ASIC2: variants seen among roughly 807,000 people sequenced by gnomAD.
ASIC2 encodes acid-sensing ion channel 2.
ASIC2 carries 25 observed loss-of-function variants against 57.3 expected under a neutral mutation model. The observed-to-expected ratio is 0.44, with a 90% CI of 0.32 to 0.61. The LOEUF (loss-of-function observed/expected upper bound fraction) is 0.61. Ranked by LOEUF, ASIC2 falls within the 20% of genes least tolerant of loss-of-function variation. The probability of loss-of-function intolerance (pLI) is 0.06; values close to 1 mark genes in which losing one functional copy is unlikely to be tolerated. For synonymous variants in ASIC2, 319 were observed against 307.5 expected (o/e 1.04, Z -0.39); for missense variants, 641 against 738.1 (o/e 0.87, Z 1.52).
At chr17:34,098,505 A>AG (rs771579758) in intron 1 of ASIC2, among the ~76,000 whole-genome samples, 67 of 152,302 alleles carry the variant, frequency 4.4e-4, no homozygotes, top group Non-Finnish European at 8.2e-4. Flanking sequence ...CTGAAAAATG[A>AG]GGGCGAATGT....
intron 1 of ASIC2, among the ~76,000 whole-genome samples, chr17:33,903,228 C>G (rs1915268570): frequency 6.6e-6 from 1 of 152,216 alleles, no homozygotes; most frequent in African/African-American, 2.4e-5. Context: ...GTCTTTCTCT[C>G]TCATGGTGCA....
chr17:34,032,880 AC>A (rs1273645146), intron 1 of ASIC2, among the ~76,000 whole-genome samples: 1 of 152,210 alleles, frequency 6.6e-6, no homozygotes, highest in Admixed American at 6.5e-5. Context: ...TTAATGACCT[AC>A]AAAAAGACTT....
At chr17:34,138,184 T>G (rs902679571) in intron 1 of ASIC2, among the ~76,000 whole-genome samples, 1 of 152,138 alleles carries the variant, frequency 6.6e-6, no homozygotes, top group Non-Finnish European at 1.5e-5. Flanking sequence ...TGCCTTCATC[T>G]TTTGTACCTC....
intron 9 of ASIC2, among the ~76,000 whole-genome samples, chr17:33,015,227 G>A (rs1405779318): frequency 6.6e-6 from 1 of 152,226 alleles, no homozygotes; most frequent in Admixed American, 6.5e-5. Flanking sequence ...AGGGCTGGAG[G>A]TGCTGATTTG....
chr17:33,217,352 A>G (rs899658879), intron 1 of ASIC2, among the ~76,000 whole-genome samples: 4 of 152,212 alleles, frequency 2.6e-5, no homozygotes, highest in African/African-American at 4.8e-5. Context: ...AGGCAAAGAG[A>G]ATCGTGATAT....
chr17:33,726,603 C>G (rs1012418243), intron 1 of ASIC2, among the ~76,000 whole-genome samples: 4 of 152,154 alleles, frequency 2.6e-5, no homozygotes, highest in Admixed American at 2.0e-4. Flanking sequence ...ACTCTAGGCT[C>G]TCTGCCTTTC....
chr17:34,060,293 G>C (rs1358572413), intron 1 of ASIC2, among the ~76,000 whole-genome samples: 2 of 152,192 alleles, frequency 1.3e-5, no homozygotes, highest in East Asian at 3.9e-4. Context: ...TAGGAAAAGG[G>C]GAAGCGTACT....
chr17:33,585,116 T>C (rs1904577948), intron 1 of ASIC2, among the ~76,000 whole-genome samples: 2 of 152,114 alleles, frequency 1.3e-5, no homozygotes. Context: ...GCCAATCTAA[T>C]TTAGTTGGGG....
At chr17:34,066,871 A>G (rs1164027550) in intron 1 of ASIC2, among the ~76,000 whole-genome samples, 1 of 152,212 alleles carries the variant, frequency 6.6e-6, no homozygotes, top group African/African-American at 2.4e-5. Flanking sequence ...CCCAGGAAAC[A>G]ACACACAATG....
intron 1 of ASIC2, among the ~76,000 whole-genome samples, chr17:33,789,074 C>A (rs546855320): frequency 1.8e-4 from 28 of 152,156 alleles, no homozygotes; most frequent in African/African-American, 6.8e-4. Flanking sequence ...TCTCTGGCTG[C>A]TCTTGCAGTG....
At chr17:34,076,680 C>T (rs1319285476) in intron 1 of ASIC2, among the ~76,000 whole-genome samples, 1 of 152,194 alleles carries the variant, frequency 6.6e-6, no homozygotes, top group African/African-American at 2.4e-5. Flanking sequence ...TGTGCTTCCA[C>T]TGTCCTGAAA....
At chr17:33,989,878 A>C (rs1321639225) in intron 1 of ASIC2, among the ~76,000 whole-genome samples, 1 of 152,180 alleles carries the variant, frequency 6.6e-6, no homozygotes, top group African/African-American at 2.4e-5. Flanking sequence ...TTTTGCAGGA[A>C]ACTAAGCATG....
chr17:33,706,179 T>TGTGTATGA (rs71144898), intron 1 of ASIC2, among the ~76,000 whole-genome samples: 19,854 of 147,856 alleles, frequency 0.13, 1,365 homozygotes, highest in African/African-American at 0.17. Flanking sequence ...TGTGTGTGTG[T>TGTGTATGA]GTGTATGACT....
In ASIC2 at chr17:34,136,919, C is replaced by A. The variant is rs114191198; in HGVS notation, c.555+19059G>T. On this transcript the variant is annotated intron_variant, in intron 1 of 9. Transcript: ENST00000359872. Reference sequence around the variant, plus strand: ...AAGCCCACATTTTGCATACTCTGGACCCACCTGTCTTGTAACTTCATTGGC... The same window carrying A: ...AAGCCCACATTTTGCATACTCTGGAACCACCTGTCTTGTAACTTCATTGGC... 9.8e-3 allele frequency among the ~76,000 whole-genome samples: 1,498 copies of A among 152,298 alleles called. 29 individuals are homozygous for A. Among genetic ancestry groups the A allele is most frequent in the African/African-American group, 0.034 (1,417 of 41,546 alleles).
intron 1 of ASIC2, among the ~76,000 whole-genome samples, chr17:33,795,802 C>G (rs938851564): frequency 6.6e-6 from 1 of 152,216 alleles, no homozygotes; most frequent in Non-Finnish European, 1.5e-5. Context: ...TTCTTGATAT[C>G]AAAGACCTGC....
chr17:33,364,189 A>C (rs1324444670), intron 1 of ASIC2, among the ~76,000 whole-genome samples: 1 of 152,168 alleles, frequency 6.6e-6, no homozygotes, highest in Non-Finnish European at 1.5e-5. Context: ...CTAGGAAGAA[A>C]GGCTACTTAG....
chr17:33,923,100 G>A (rs150833074), intron 1 of ASIC2, among the ~76,000 whole-genome samples: 7 of 152,258 alleles, frequency 4.6e-5, no homozygotes, highest in Admixed American at 6.5e-5. Flanking sequence ...TGGAACCTGC[G>A]GGATTCCTGG....
chr17:33,895,211 G>A (rs989862023), intron 1 of ASIC2, among the ~76,000 whole-genome samples: 15 of 150,394 alleles, frequency 1.0e-4, no homozygotes, highest in Non-Finnish European at 2.2e-4. Flanking sequence ...TGCCCAGGCT[G>A]GGGTGCAGAG....
chr17:33,468,488 TC>T (rs1912933476), intron 1 of ASIC2, among the ~76,000 whole-genome samples: 1 of 152,228 alleles, frequency 6.6e-6, no homozygotes, highest in Admixed American at 6.5e-5. Flanking sequence ...ATTATATACT[TC>T]TAAAACACAA....
Sources: gnomAD v4.1 joint callset for allele counts (sites outside exome capture counted in the v4.1 genomes callset) on GRCh38, gnomAD v4.1.1 for gene constraint, MANE v1.5 for transcripts, NCBI Gene and HGNC (gene_info 2026-07-23, HGNC 2026-07-21) for gene names.